The following CRTAC1 variants were observed in gnomAD, a reference collection of about 807,000 sequenced individuals.
The protein encoded by CRTAC1 is cartilage acidic protein 1.
CRTAC1 carries 37 observed loss-of-function variants against 67.8 expected under a neutral mutation model. That is an observed-to-expected ratio of 0.55 (90% CI 0.42 to 0.72). The LOEUF is 0.72. CRTAC1 is among the 30% of genes least tolerant of loss of function. The pLI is 0.00. For missense variants in CRTAC1, 780 were observed against 931.6 expected, an observed-to-expected ratio of 0.84 and a Z score of 2.12; for synonymous variants, 348 against 371.0, an observed-to-expected ratio of 0.94 and a Z score of 0.71.
intron 2 of CRTAC1, among the ~76,000 whole-genome samples, chr10:97,960,858 G>T (rs2051513778): frequency 6.6e-6 from 1 of 152,246 alleles, no homozygotes; most frequent in Non-Finnish European, 1.5e-5. Flanking sequence ...AGGGAAACAA[G>T]GGTAGTGTGT....
intron 3 of CRTAC1, among the ~76,000 whole-genome samples, chr10:97,934,733 C>T (rs775796854): frequency 1.3e-5 from 2 of 152,090 alleles, no homozygotes; most frequent in Non-Finnish European, 2.9e-5. Context: ...AAGTCTGAAC[C>T]CCAGGGCTTC....
intron 5 of CRTAC1, among the ~76,000 whole-genome samples, chr10:97,915,966 C>T (rs547929744): frequency 1.5e-4 from 23 of 152,246 alleles, no homozygotes; most frequent in African/African-American, 5.1e-4. Flanking sequence ...CCCCACTGTG[C>T]TCCTCATCTG....
chr10:98,010,892 T>G (rs1590289761), intron 2 of CRTAC1, among the ~76,000 whole-genome samples: 2 of 152,308 alleles, frequency 1.3e-5, no homozygotes, highest in East Asian at 3.9e-4. Flanking sequence ...CTGAAAAGCC[T>G]GTGGATCAAA....
At chr10:98,006,475 G>C (rs531177322) in intron 2 of CRTAC1, among the ~76,000 whole-genome samples, 1 of 152,122 alleles carries the variant, frequency 6.6e-6, no homozygotes, top group African/African-American at 2.4e-5. Context: ...GCAGAACAAA[G>C]GGCGGTCATT....
chr10:97,976,647 C>T (rs556384079), intron 2 of CRTAC1, among the ~76,000 whole-genome samples: 11 of 152,312 alleles, frequency 7.2e-5, no homozygotes, highest in East Asian at 5.8e-4. Flanking sequence ...ATGAGCAAAC[C>T]GATCCATTGC....
intron 2 of CRTAC1, among the ~76,000 whole-genome samples, chr10:97,961,691 T>C (rs546916978): frequency 1.3e-3 from 196 of 152,288 alleles, no homozygotes; most frequent in Middle Eastern, 6.8e-3. Context: ...AGGTTGGTGA[T>C]GGCTAAGGAA....
intron 7 of CRTAC1, among the ~76,000 whole-genome samples, chr10:97,902,108 C>T (rs532680004): frequency 7.2e-5 from 11 of 152,314 alleles, no homozygotes; most frequent in South Asian, 2.1e-4. Context: ...GGGTGGGCAC[C>T]GGAAATCTCT....
chr10:97,952,278 G>C (rs1327841265), intron 2 of CRTAC1, among the ~76,000 whole-genome samples: 3 of 151,898 alleles, frequency 2.0e-5, no homozygotes, highest in Admixed American at 1.3e-4. Context: ...CGTGAACCCA[G>C]GAGGCGGAGC....
rs749454128 is a variant in CRTAC1, at chr10:97,865,735, G to A, written c.1820-21C>T. ...AGTCCCTGTAGGGAGGTGTATGGCC[G>A]GAGTGAGGGCCTTGCAGACCTGCGG... is the stretch of plus-strand genomic sequence containing the variant. On this transcript the variant is annotated intron_variant, in intron 14 of 14. Coordinates refer to ENST00000370597, the MANE Select transcript of CRTAC1 (RefSeq NM_018058.7). The A allele has an allele frequency of 6.5e-5, 102 of 1,572,376 alleles. 1 individual carries two copies. Among genetic ancestry groups the A allele is most frequent in the Middle Eastern group, 3.7e-4 (2 of 5,378 alleles).
At chr10:98,028,209 C>T (rs1843280036) in intron 1 of CRTAC1, among the ~76,000 whole-genome samples, 1 of 152,310 alleles carries the variant, frequency 6.6e-6, no homozygotes, top group South Asian at 2.1e-4. Context: ...CACAGGACCA[C>T]CTGAAGCCCA....
intron 2 of CRTAC1, among the ~76,000 whole-genome samples, chr10:97,960,352 C>A (rs945570698): frequency 6.6e-6 from 1 of 152,188 alleles, no homozygotes; most frequent in Non-Finnish European, 1.5e-5. Flanking sequence ...GAGAGACCAT[C>A]ATATAAACAC....
chr10:97,994,451 C>A (rs1842518127), intron 2 of CRTAC1, among the ~76,000 whole-genome samples: 1 of 152,138 alleles, frequency 6.6e-6, no homozygotes, highest in Non-Finnish European at 1.5e-5. Context: ...ATAAGGAAAG[C>A]AGCTGTAGAG....
At chr10:97,900,501 T>C (rs1403657907) in intron 8 of CRTAC1, among the ~76,000 whole-genome samples, 1 of 145,484 alleles carries the variant, frequency 6.9e-6, no homozygotes, top group East Asian at 2.0e-4. Context: ...CTGGTAGTGA[T>C]TGGAGCCCGT....
In CRTAC1 at chr10:97,901,385, T is replaced by C; in HGVS notation, c.1133+118A>G. Reference sequence around the variant, plus strand: ...CTTCATCAGGGGACCTGTGTTGACCTTGGCCTGACCCCCTGGCCCTGGGAA... The same window carrying C: ...CTTCATCAGGGGACCTGTGTTGACCCTGGCCTGACCCCCTGGCCCTGGGAA... On this transcript the variant is annotated intron_variant, in intron 8 of 14. Coordinates refer to ENST00000370597, the MANE Select transcript of CRTAC1 (RefSeq NM_018058.7). The C allele has an allele frequency of 2.4e-6, 3 of 1,246,406 alleles. No homozygotes were observed. In the Admixed American group the frequency reaches 6.0e-5, roughly 25 times the overall value. 77.2% of individuals were successfully genotyped at this position (1,246,406 alleles called of 1,614,324 possible).
chr10:97,968,027 A>G (rs1425225408), intron 2 of CRTAC1, among the ~76,000 whole-genome samples: 4 of 152,230 alleles, frequency 2.6e-5, no homozygotes, highest in African/African-American at 7.2e-5. Context: ...AACAGGTAGG[A>G]AATTTATGGG....
At chr10:97,990,227 C>T (rs993209465) in intron 2 of CRTAC1, among the ~76,000 whole-genome samples, 2 of 152,170 alleles carry the variant, frequency 1.3e-5, no homozygotes, top group African/African-American at 4.8e-5. Context: ...ATGGGAGAAT[C>T]CAGATAACCA....
At chr10:98,000,819 C>T (rs479279) in intron 2 of CRTAC1, among the ~76,000 whole-genome samples, 1 of 152,134 alleles carries the variant, frequency 6.6e-6, no homozygotes. Flanking sequence ...AACAAAATAA[C>T]AGAAACAAGT....
chr10:97,923,694 A>G (rs2050873445), intron 3 of CRTAC1, among the ~76,000 whole-genome samples: 1 of 152,114 alleles, frequency 6.6e-6, no homozygotes, highest in Non-Finnish European at 1.5e-5. Flanking sequence ...CAGCAGCTGG[A>G]TTTCATGCCC....
intron 2 of CRTAC1, among the ~76,000 whole-genome samples, chr10:97,986,971 TTAAATAC>T (rs1441601946): frequency 2.0e-5 from 3 of 152,246 alleles, no homozygotes; most frequent in African/African-American, 7.2e-5. Context: ...CAGGTGCTCA[TTAAATAC>T]TAATGCCAGA....
Sources: gnomAD v4.1 joint callset for allele counts (sites outside exome capture counted in the v4.1 genomes callset) on GRCh38, gnomAD v4.1.1 for gene constraint, MANE v1.5 for transcripts, NCBI Gene and HGNC (gene_info 2026-07-23, HGNC 2026-07-21) for gene names.